Variants in PAAF1 observed in about 807,000 individuals in gnomAD.
PAAF1 encodes proteasomal ATPase-associated factor 1.
In PAAF1, 46 loss-of-function variants were observed where a neutral mutation model predicts 52.8. The ratio of observed to expected loss-of-function variants is 0.87; its 90% CI spans 0.69 to 1.11. The LOEUF is 1.11. PAAF1 is among the 50% of genes most tolerant of loss of function. The probability of loss-of-function intolerance (pLI) is 0.00; values close to 1 mark genes in which losing one functional copy is unlikely to be tolerated. For synonymous variants in PAAF1, 178 were observed against 172.8 expected, an observed-to-expected ratio of 1.03 and a Z score of -0.24; for missense variants, 424 against 477.4, an observed-to-expected ratio of 0.89 and a Z score of 1.04.
intron 6 of PAAF1, among the ~76,000 whole-genome samples, chr11:73,901,064 C>T (rs1464431437): frequency 7.0e-6 from 1 of 143,044 alleles, no homozygotes; most frequent in Non-Finnish European, 1.5e-5. Context: ...TCCAGGAAAT[C>T]GTATACTTGT....
intron 11 of PAAF1, among the ~76,000 whole-genome samples, chr11:73,925,339 G>A (rs1950326020): frequency 6.6e-6 from 1 of 151,696 alleles, no homozygotes; most frequent in Non-Finnish European, 1.5e-5. Context: ...ACACACACCT[G>A]TAGTCCCAGC....
intron 6 of PAAF1, among the ~76,000 whole-genome samples, chr11:73,908,389 A>ATATATATATATATG (rs1554982121): frequency 1.4e-4 from 14 of 96,628 alleles, no homozygotes; most frequent in Non-Finnish European, 2.3e-4. Flanking sequence ...ATATGTGTGT[A>ATATATATATATATG]TATATATATG....
intron 2 of PAAF1, among the ~76,000 whole-genome samples, chr11:73,882,165 G>C (rs959151730): frequency 6.6e-6 from 1 of 152,016 alleles, no homozygotes; most frequent in African/African-American, 2.4e-5. Flanking sequence ...ACAGGCGTGA[G>C]CCACTGTGCC....
chr11:73,911,120 G>A (rs1043314880), intron 7 of PAAF1, among the ~76,000 whole-genome samples: 6 of 151,338 alleles, frequency 4.0e-5, no homozygotes, highest in African/African-American at 1.5e-4. Flanking sequence ...ATGAACCTAC[G>A]TGACACATTA....
At chr11:73,902,636 T>C (rs575560310) in intron 6 of PAAF1, among the ~76,000 whole-genome samples, 1 of 148,266 alleles carries the variant, frequency 6.7e-6, no homozygotes, top group East Asian at 2.0e-4. Flanking sequence ...ATTCCTTAAT[T>C]CTCCCTAAGA....
chr11:73,898,053 C>T (rs1004182493), intron 4 of PAAF1, among the ~76,000 whole-genome samples: 19 of 152,130 alleles, frequency 1.2e-4, no homozygotes, highest in Non-Finnish European at 2.2e-4. Flanking sequence ...CGTGGCGGCG[C>T]GCGCCTGCAA....
chr11:73,897,141 G>A (rs1166631953), intron 4 of PAAF1, among the ~76,000 whole-genome samples: 4 of 134,828 alleles, frequency 3.0e-5, no homozygotes, highest in Admixed American at 1.4e-4. Context: ...CCGGGCAGAG[G>A]CGCCCCTCAC....
chr11:73,905,587 CTCTTT>C (rs1300491190), intron 6 of PAAF1, among the ~76,000 whole-genome samples: 4 of 151,950 alleles, frequency 2.6e-5, no homozygotes, highest in African/African-American at 9.7e-5. Flanking sequence ...CTCTAGGCTC[CTCTTT>C]TCTTTATTCT....
At chr11:73,916,858 A>G (rs1193000625) in intron 9 of PAAF1, among the ~76,000 whole-genome samples, 198 bp downstream of exon 9, 1 of 152,184 alleles carries the variant, frequency 6.6e-6, no homozygotes, top group African/African-American at 2.4e-5. Context: ...GATTCATACC[A>G]TTATGATTGT....
At chr11:73,914,593 C>A in intron 8 of PAAF1, 89 bp downstream of exon 8, 1 of 1,056,308 alleles carries the variant, frequency 9.5e-7, no homozygotes, top group Non-Finnish European at 1.4e-6. Flanking sequence ...TTTCTACTTG[C>A]TCCCTGTGTT....
At chr11:73,903,752 AT>A (rs1340655145) in intron 6 of PAAF1, among the ~76,000 whole-genome samples, 1 of 150,590 alleles carries the variant, frequency 6.6e-6, no homozygotes, top group East Asian at 2.0e-4. Context: ...ATTTTGAAGC[AT>A]TTTGTTCAGA....
chr11:73,890,971 T>A (rs1209508791), intron 3 of PAAF1, 141 bp from the exon 4 acceptor site: 2 of 586,610 alleles, frequency 3.4e-6, no homozygotes, highest in East Asian at 6.2e-5. Flanking sequence ...GATAGTTTTG[T>A]GGGGTGGGAA....
chr11:73,896,897 CCCGGACGGGGCGGCTGG>C (rs1353186346), intron 4 of PAAF1, among the ~76,000 whole-genome samples: 2 of 151,284 alleles, frequency 1.3e-5, no homozygotes, highest in Non-Finnish European at 2.9e-5. Context: ...CCCCTCACCT[CCCGGACGGGGCGGCTGG>C]CCGGACGGGG....
intron 2 of PAAF1, among the ~76,000 whole-genome samples, chr11:73,882,397 G>A (rs1355518843): frequency 4.0e-5 from 6 of 150,672 alleles, no homozygotes; most frequent in Non-Finnish European, 8.9e-5. Flanking sequence ...TAAGGAGGAG[G>A]GTGGTTTTTG....
intron 8 of PAAF1, among the ~76,000 whole-genome samples, chr11:73,915,823 TTTTCA>T (rs1405066699): frequency 6.6e-6 from 1 of 152,220 alleles, no homozygotes; most frequent in African/African-American, 2.4e-5. Flanking sequence ...GGGTTTGCTG[TTTTCA>T]TTTCATCTTG....
intron 11 of PAAF1, among the ~76,000 whole-genome samples, chr11:73,926,618 A>G (rs1351651671): frequency 6.6e-6 from 1 of 152,118 alleles, no homozygotes; most frequent in African/African-American, 2.4e-5. Flanking sequence ...CTGAGGCAGG[A>G]GAATGGCGTG....
chr11:73,896,827 G>T (rs539161585), intron 4 of PAAF1, among the ~76,000 whole-genome samples: 53 of 152,242 alleles, frequency 3.5e-4, no homozygotes, highest in African/African-American at 1.2e-3. Context: ...CCTCCCAGAC[G>T]GGGTGGTGGC....
At chr11:73,925,937 T>C (rs1565156184) in intron 11 of PAAF1, among the ~76,000 whole-genome samples, 1 of 152,222 alleles carries the variant, frequency 6.6e-6, no homozygotes, top group East Asian at 1.9e-4. Context: ...TCAAGACTAT[T>C]TTCAGAGAAT....
At chr11:73,904,499 A>T (rs1235489746) in intron 6 of PAAF1, among the ~76,000 whole-genome samples, 1 of 152,172 alleles carries the variant, frequency 6.6e-6, no homozygotes, top group East Asian at 1.9e-4. Flanking sequence ...GGTAGTGGAA[A>T]TGCTTACATT....
Sources: gnomAD v4.1 joint callset for allele counts (sites outside exome capture counted in the v4.1 genomes callset) on GRCh38, gnomAD v4.1.1 for gene constraint, MANE v1.5 for transcripts, NCBI Gene and HGNC (gene_info 2026-07-23, HGNC 2026-07-21) for gene names.